HACL1: variants seen among roughly 807,000 people sequenced by gnomAD.
HACL1 encodes the protein 1600020H07Rik.
HACL1 carries 64 observed loss-of-function variants against 74.2 expected under a neutral mutation model. The observed-to-expected ratio is 0.86, with a 90% CI of 0.70 to 1.06. The LOEUF is 1.06. HACL1 is among the 50% of genes least tolerant of loss of function. The probability of loss-of-function intolerance (pLI) is 0.00; values close to 1 mark genes in which losing one functional copy is unlikely to be tolerated. For missense variants in HACL1, 728 were observed against 719.7 expected, an observed-to-expected ratio of 1.01 and a Z score of -0.13; for synonymous variants, 230 against 238.8, an observed-to-expected ratio of 0.96 and a Z score of 0.34.
chr3:15,568,644 T>C (rs775521394), intron 12 of HACL1, 58 bp from the exon 13 acceptor site: 58 of 950,036 alleles, frequency 6.1e-5, no homozygotes, highest in Non-Finnish European at 9.1e-5. Context: ...AAATAACCAA[T>C]GTTAATAAGA....
At chr3:15,573,373 C>A in intron 10 of HACL1, 131 bp from the exon 11 acceptor site, 1 of 604,900 alleles carries the variant, frequency 1.7e-6, no homozygotes, top group Non-Finnish European at 2.9e-6. Context: ...TCAGAAGTTC[C>A]TTAATAAAAA....
At chr3:15,593,782 G>GTTTTT (rs200160002) in intron 3 of HACL1, among the ~76,000 whole-genome samples, 2 of 123,736 alleles carry the variant, frequency 1.6e-5, no homozygotes. Context: ...AATGTTTTGT[G>GTTTTT]TTTTTTTTTT....
At chr3:15,577,825 G>A (rs911539635) in intron 9 of HACL1, among the ~76,000 whole-genome samples, 6 of 150,810 alleles carry the variant, frequency 4.0e-5, no homozygotes, top group Non-Finnish European at 8.9e-5. Context: ...CCGGCTGGGC[G>A]CAGTGGCTCA....
chr3:15,600,468 G>A (rs1365221698), intron 2 of HACL1, among the ~76,000 whole-genome samples: 2 of 152,240 alleles, frequency 1.3e-5, no homozygotes, highest in African/African-American at 4.8e-5. Flanking sequence ...ACAAAACGTC[G>A]TATCTTCCTT....
At chr3:15,599,245 C>T (rs1282757810) in intron 2 of HACL1, among the ~76,000 whole-genome samples, 1 of 152,238 alleles carries the variant, frequency 6.6e-6, no homozygotes, top group Admixed American at 6.5e-5. Context: ...ATCTCTGTAT[C>T]CAGCACCCAA....
chr3:15,568,680 G>A (rs1042455512), intron 12 of HACL1, 94 bp from the exon 13 acceptor site: 12 of 745,690 alleles, frequency 1.6e-5, no homozygotes, highest in East Asian at 1.5e-4. Context: ...TTGGAAATAC[G>A]CAACAACTAC....
At chr3:15,601,286 C>A in intron 1 of HACL1, 92 bp from the exon 2 acceptor site, 2 of 1,577,312 alleles carry the variant, frequency 1.3e-6, no homozygotes, top group Non-Finnish European at 1.7e-6. Context: ...GGAAAACCCC[C>A]CGACCCCCAT....
At chr3:15,566,313 A>C (rs1472645068) in intron 14 of HACL1, among the ~76,000 whole-genome samples, 1 of 152,204 alleles carries the variant, frequency 6.6e-6, no homozygotes, top group African/African-American at 2.4e-5. Flanking sequence ...AATTCTCATA[A>C]CTACACACAT....
rs1363437823 is a variant in HACL1 at position 15,567,509 on chromosome 3, C to T, written c.1409+335G>A. ...GGCTGGGATTACAGGTGTGAGCCAC[C>T]ATGACTGGCAGAAGCCATGCTCTTC... is the stretch of plus-strand genomic sequence containing the variant. On this transcript the variant is annotated intron_variant, in intron 14 of 16. Transcript: ENST00000321169. 2.0e-5 allele frequency among the ~76,000 whole-genome samples: 3 copies of T among 151,788 alleles called. No homozygotes were observed. The East Asian group carries it at 5.8e-4, about 29-fold the overall frequency.
chr3:15,582,186 T>A (rs1305922794), intron 8 of HACL1, among the ~76,000 whole-genome samples: 1 of 152,208 alleles, frequency 6.6e-6, no homozygotes, highest in African/African-American at 2.4e-5. Context: ...ATGGATACTA[T>A]AATAAATTGC....
At chr3:15,568,330 A>C in intron 13 of HACL1, 102 bp downstream of exon 13, 1 of 760,232 alleles carries the variant, frequency 1.3e-6, no homozygotes, top group Non-Finnish European at 2.2e-6. Flanking sequence ...TACATACTAA[A>C]CATGTATTAA....
intron 8 of HACL1, among the ~76,000 whole-genome samples, chr3:15,582,202 G>A (rs1184369362): frequency 2.0e-5 from 3 of 152,140 alleles, no homozygotes; most frequent in Non-Finnish European, 4.4e-5. Context: ...ATTGCTGACA[G>A]GAGTATAAAT....
chr3:15,562,719 C>T (rs546624959), intron 16 of HACL1, among the ~76,000 whole-genome samples: 5 of 152,326 alleles, frequency 3.3e-5, no homozygotes, highest in African/African-American at 1.2e-4. Context: ...ATAGGAGAGG[C>T]TCATGCTATG....
At chr3:15,569,841 G>A (rs960930090) in intron 12 of HACL1, among the ~76,000 whole-genome samples, 12 of 147,734 alleles carry the variant, frequency 8.1e-5, no homozygotes, top group African/African-American at 3.0e-4. Flanking sequence ...AAAAAAAAAA[G>A]TAGCCAGGCA....
intron 11 of HACL1, 55 bp from the exon 12 acceptor site, chr3:15,571,824 TTTTTC>T (rs1174417122): frequency 5.7e-5 from 25 of 441,194 alleles, no homozygotes; most frequent in Non-Finnish European, 7.1e-5. Context: ...CTTTGCCTTT[TTTTTC>T]TTTTTTTTTT....
intron 9 of HACL1, among the ~76,000 whole-genome samples, chr3:15,577,604 A>G (rs114795471): frequency 0.027 from 4,131 of 152,202 alleles, 169 homozygotes; most frequent in African/African-American, 0.093. Flanking sequence ...CAGCATGGGC[A>G]ACACGGTGAA....
At chr3:15,586,689 CT>C in intron 5 of HACL1, 87 bp from the exon 6 acceptor site, 1 of 789,528 alleles carries the variant, frequency 1.3e-6, no homozygotes, top group Non-Finnish European at 2.2e-6. Context: ...TCATTAATTT[CT>C]TTTATGTTTA....
At chr3:15,564,793 A>G in intron 14 of HACL1, 135 bp from the exon 15 acceptor site, 1 of 543,158 alleles carries the variant, frequency 1.8e-6, no homozygotes, top group Non-Finnish European at 3.3e-6. Context: ...ACTAAAAATC[A>G]AGCATTTATT....
chr3:15,589,224 C>T (rs1406744624), intron 5 of HACL1, among the ~76,000 whole-genome samples: 3 of 152,046 alleles, frequency 2.0e-5, no homozygotes, highest in Admixed American at 6.6e-5. Flanking sequence ...AGGCCAAGTG[C>T]GGTGGCTCAT....
Sources: allele counts gnomAD v4.1 joint callset (sites outside exome capture counted in the v4.1 genomes callset), GRCh38; gene constraint gnomAD v4.1.1; transcripts MANE v1.5; gene names NCBI Gene and HGNC (gene_info 2026-07-23, HGNC 2026-07-21).